SPHKAP: variants seen among roughly 807,000 people sequenced by gnomAD.
The protein encoded by SPHKAP is SPHK1 interactor, AKAP domain containing, also known as A-kinase anchor protein SPHKAP.
In SPHKAP, 67 loss-of-function variants were observed where a neutral mutation model predicts 137.5. The observed-to-expected ratio is 0.49, with a 90% CI of 0.40 to 0.60. SPHKAP has a LOEUF of 0.60. SPHKAP is among the 20% of genes least tolerant of loss of function. The pLI, the probability that SPHKAP is intolerant of heterozygous loss-of-function variation, is 0.00. For synonymous variants in SPHKAP, 813 were observed against 785.3 expected, an observed-to-expected ratio of 1.04 and a Z score of -0.59; for missense variants, 2,097 against 2,069.3, an observed-to-expected ratio of 1.01 and a Z score of -0.26.
intron 5 of SPHKAP, 81 bp downstream of exon 5, chr2:228,025,313 C>T (rs1694992962): frequency 1.5e-6 from 2 of 1,375,862 alleles, no homozygotes; most frequent in East Asian, 2.5e-5. Context: ...TTATGTGTAG[C>T]ATCTGTTTGG....
At chr2:227,987,585 A>G (rs2106155649) in intron 11 of SPHKAP, among the ~76,000 whole-genome samples, 1 of 152,320 alleles carries the variant, frequency 6.6e-6, no homozygotes, top group Non-Finnish European at 1.5e-5. Flanking sequence ...GAAAGGGAAA[A>G]TTTGAAAATG....
At chr2:227,991,477 A>C (rs1248794877) in intron 9 of SPHKAP, 151 bp from the exon 10 acceptor site, 1 of 1,492,462 alleles carries the variant, frequency 6.7e-7, no homozygotes, top group Non-Finnish European at 8.9e-7. Flanking sequence ...CTGGGAAAAC[A>C]CCAATGTGGC....
At chr2:228,158,630 T>A (rs1479679077) in intron 1 of SPHKAP, among the ~76,000 whole-genome samples, 1 of 152,194 alleles carries the variant, frequency 6.6e-6, no homozygotes, top group Admixed American at 6.5e-5. Flanking sequence ...CTTAACTAGT[T>A]CACCCAAGTG....
chr2:228,039,820 T>C lies in SPHKAP; in HGVS notation c.247-12277A>G, dbSNP rs1695771715. ...ACATAGAAAGAACTGATGATGACAA[T>C]TGTTGGGATCAAATCCATATCATAA... On this transcript the variant is annotated intron_variant, in intron 3 of 11. Coordinates refer to ENST00000392056, the MANE Select transcript of SPHKAP (RefSeq NM_001142644.2). 1.3e-5 allele frequency among the ~76,000 whole-genome samples: 2 copies of C among 152,216 alleles called. 1 individual carries two copies. Among genetic ancestry groups the C allele is most frequent in the South Asian group, 4.1e-4 (2 of 4,828 alleles).
intron 9 of SPHKAP, among the ~76,000 whole-genome samples, chr2:227,993,025 T>C (rs1165289713): frequency 3.3e-5 from 5 of 152,172 alleles, no homozygotes; most frequent in African/African-American, 9.7e-5. Context: ...CTTTTTTCCT[T>C]CTTAAGGAAG....
At chr2:228,110,643 C>T (rs1280887782) in intron 2 of SPHKAP, among the ~76,000 whole-genome samples, 1 of 152,036 alleles carries the variant, frequency 6.6e-6, no homozygotes, top group East Asian at 1.9e-4. Context: ...GTTCTTTTTG[C>T]TCTTGTTGTC....
chr2:227,996,030 C>T (rs140019000), intron 7 of SPHKAP: 141 of 985,218 alleles, frequency 1.4e-4, no homozygotes, highest in Non-Finnish European at 1.7e-4. Flanking sequence ...AGCATTCACC[C>T]GAGAGATTAT....
chr2:228,095,110 T>A (rs1199543778), intron 3 of SPHKAP, among the ~76,000 whole-genome samples: 2 of 151,310 alleles, frequency 1.3e-5, no homozygotes, highest in Non-Finnish European at 2.9e-5. Flanking sequence ...GTAGATTCCG[T>A]AGATTCCAAA....
chr2:228,121,063 T>C (rs1248163129), intron 2 of SPHKAP, among the ~76,000 whole-genome samples: 1 of 152,164 alleles, frequency 6.6e-6, no homozygotes, highest in Non-Finnish European at 1.5e-5. Flanking sequence ...ATATATGAAG[T>C]GCGTGAAAGC....
At chr2:228,067,679 T>A (rs914499816) in intron 3 of SPHKAP, among the ~76,000 whole-genome samples, 44 of 152,362 alleles carry the variant, frequency 2.9e-4, no homozygotes, top group Non-Finnish European at 4.6e-4. Context: ...AAGATTTTTT[T>A]TTTAGGAAAG....
intron 1 of SPHKAP, among the ~76,000 whole-genome samples, chr2:228,144,598 C>T (rs1172717955): frequency 6.6e-6 from 1 of 151,708 alleles, no homozygotes; most frequent in Non-Finnish European, 1.5e-5. Flanking sequence ...AGACAAAGTT[C>T]TTTATTTTAA....
At position 228,038,224 on chromosome 2, in the gene SPHKAP, G is replaced by A. The variant is rs78523414; in HGVS notation, c.247-10681C>T. Among the ~76,000 whole-genome samples the A allele has an allele frequency of 4.3e-3, 648 of 152,322 alleles. 3 individuals carry two copies. Among genetic ancestry groups the A allele is most frequent in the Admixed American group, 7.5e-3 (115 of 15,302 alleles). ...AACATCATGGGCCACGTGTGCTGGAGAAGGGAGTTGGGAGAACTGGATCAA... is the reference window on the plus strand; with the variant it reads ...AACATCATGGGCCACGTGTGCTGGAAAAGGGAGTTGGGAGAACTGGATCAA... On this transcript the variant is annotated intron_variant, in intron 3 of 11. Coordinates refer to ENST00000392056, the MANE Select transcript of SPHKAP (RefSeq NM_001142644.2).
At chr2:227,994,384 G>A (rs1305798361) in intron 8 of SPHKAP, among the ~76,000 whole-genome samples, 1 of 152,138 alleles carries the variant, frequency 6.6e-6, no homozygotes, top group Non-Finnish European at 1.5e-5. Context: ...TTTAGGCTCT[G>A]TTTGTGCTTG....
intron 3 of SPHKAP, among the ~76,000 whole-genome samples, chr2:228,092,810 G>C (rs1382114739): frequency 6.6e-6 from 1 of 151,876 alleles, no homozygotes; most frequent in Admixed American, 6.6e-5. Context: ...CTTAGAAATG[G>C]AAAACCAAAC....
rs776822529 is a variant in SPHKAP at position 227,991,318 on chromosome 2, A to C, written c.4730T>G (p.Val1577Gly). The stretch of plus-strand genomic sequence containing the variant: ...TCCTTTAAGAATCTTCTTTTCTTCT[A>C]CTAATTCACTTTGGGAGAAAACAAC... ...MPSSPMINEL[V>G]EEKKILKGQS... Residue 1577 changes from valine (V) to glycine (G), a missense_variant, in exon 10 of 12, where the codon GTA (valine) becomes GGA (glycine). Coordinates refer to ENST00000392056, the MANE Select transcript of SPHKAP (RefSeq NM_001142644.2). 2.5e-6 allele frequency: 4 copies of C among 1,614,204 alleles called. No individual in the cohort carries two copies. Among genetic ancestry groups the C allele is most frequent in the South Asian group, 2.2e-5 (2 of 91,084 alleles).
intron 3 of SPHKAP, among the ~76,000 whole-genome samples, chr2:228,030,546 A>AAC (rs1553615010): frequency 1.2e-3 from 123 of 102,126 alleles, no homozygotes; most frequent in African/African-American, 4.7e-3. Flanking sequence ...CAAAAAACAA[A>AAC]AAAAAAAAAA....
intron 7 of SPHKAP, among the ~76,000 whole-genome samples, chr2:228,000,554 G>C (rs1693816970): frequency 6.6e-6 from 1 of 151,984 alleles, no homozygotes; most frequent in South Asian, 2.1e-4. Flanking sequence ...TGAGGTGGAG[G>C]TTGCAGTGAG....
intron 7 of SPHKAP, among the ~76,000 whole-genome samples, chr2:228,002,399 C>G (rs973641135): frequency 3.9e-4 from 60 of 152,090 alleles, no homozygotes; most frequent in Non-Finnish European, 7.6e-4. Context: ...TCTCCTTCAC[C>G]CACTTTTTGA....
At chr2:227,981,995 G>A in intron 11 of SPHKAP, 135 bp from the exon 12 acceptor site, 3 of 1,310,426 alleles carry the variant, frequency 2.3e-6, no homozygotes, top group Non-Finnish European at 2.9e-6. Flanking sequence ...CTGTTTTCCG[G>A]GATAATCTAT....
Sources: gnomAD v4.1 joint callset for allele counts (sites outside exome capture counted in the v4.1 genomes callset) on GRCh38, gnomAD v4.1.1 for gene constraint, MANE v1.5 for transcripts, NCBI Gene and HGNC (gene_info 2026-07-23, HGNC 2026-07-21) for gene names.